Variants in PIWIL1 observed in about 807,000 individuals in gnomAD.
PIWIL1 encodes piwi like RNA-mediated gene silencing 1.
Under a neutral mutation model 114.4 loss-of-function variants are expected in PIWIL1, and 73 were observed. The ratio of observed to expected loss-of-function variants is 0.64; its 90% CI spans 0.53 to 0.78. The LOEUF is 0.78. PIWIL1 is among the 30% of genes least tolerant of loss of function. The pLI, the probability that PIWIL1 is intolerant of heterozygous loss-of-function variation, is 0.00. For synonymous variants in PIWIL1, 375 were observed against 369.0 expected, an observed-to-expected ratio of 1.02 and a Z score of -0.19; for missense variants, 723 against 1,063.1, an observed-to-expected ratio of 0.68 and a Z score of 4.45.
At chr12:130,376,752 C>T (rs2073869697), downstream of PIWIL1, among the ~76,000 whole-genome samples, 1 of 152,226 alleles carries the variant, frequency 6.6e-6, no homozygotes, top group South Asian at 2.1e-4. Context: ...TGTCTCTGCT[C>T]TTGCCTTTGC....
chr12:130,419,316 A>G, the PIWIL1 span, among the ~76,000 whole-genome samples: 1 of 152,126 alleles, frequency 6.6e-6, no homozygotes, highest in South Asian at 2.1e-4. The surrounding 1 kb of genome is among the most constrained non-coding windows in gnomAD (Gnocchi z 4.3). Flanking sequence ...GGTCTTTGTT[A>G]GGAGGAAGGG....
intron 1 of PIWIL1, among the ~76,000 whole-genome samples, chr12:130,340,023 A>G (rs2072859693): frequency 6.6e-6 from 1 of 152,148 alleles, no homozygotes; most frequent in Admixed American, 6.5e-5. Flanking sequence ...TTCGCAGCCT[A>G]GTTGGAGAAG....
the PIWIL1 span, chr12:130,398,207 G>C: frequency 6.6e-6 from 1 of 152,200 alleles, no homozygotes. Flanking sequence ...GCTTCAGAGG[G>C]GTAGACTTTT....
Position 130,345,823 on chromosome 12 carries a change from T to C in PIWIL1, c.261T>C (p.His87=), listed in dbSNP as rs2073054372. The change falls in exon 4 of 21, where the codon CAT becomes CAC. Residue 87 remains histidine (H), a synonymous_variant. Transcript: ENST00000245255. ...GAGGAGGTCGTCGTAGAGATTTTCA[T>C]GATCTTGGTGTGAATACAAGGCAGA... ...AERGGRRRDF[H]DLGVNTRQNL... 7 of 1,614,074 alleles carry C rather than the reference T, an allele frequency of 4.3e-6. No homozygotes were observed. The highest frequency in any genetic ancestry group is 5.9e-6 in the Non-Finnish European group (7 of 1,179,926).
chr12:130,409,685 G>A, the PIWIL1 span, among the ~76,000 whole-genome samples: 33 of 152,118 alleles, frequency 2.2e-4, no homozygotes, highest in African/African-American at 7.9e-4. Context: ...TCTGGATGAC[G>A]CCTCTGAGAT....
rs1002147539 is a variant in PIWIL1, at chr12:130,356,383, C to T, written c.1405-535C>T. On this transcript the variant is annotated intron_variant, in intron 12 of 20. Transcript: ENST00000245255. ...TTTAATATTCTGGTTGCATTGTTTA[C>T]GCTATCCCCTGCGTGAGGCCAGGCA... is the stretch of plus-strand genomic sequence containing the variant. 4.0e-5 allele frequency among the ~76,000 whole-genome samples: 6 copies of T among 151,182 alleles called. No individual in the cohort carries two copies. In the East Asian group the frequency reaches 5.9e-4, roughly 15 times the overall value.
At chr12:130,421,725 T>TGTGTGTG in the PIWIL1 span, among the ~76,000 whole-genome samples, 1 of 88,056 alleles carries the variant, frequency 1.1e-5, no homozygotes, top group South Asian at 2.6e-4. Flanking sequence ...GTGTGTGTGT[T>TGTGTGTG]TTCATAGAAG....
intron 7 of PIWIL1, 89 bp from the exon 8 acceptor site, chr12:130,349,150 C>A: frequency 1.2e-6 from 1 of 831,338 alleles, no homozygotes; most frequent in Non-Finnish European, 2.0e-6. Context: ...TAGTTTAGAC[C>A]CAGTTAATAA....
the PIWIL1 span, among the ~76,000 whole-genome samples, chr12:130,389,328 G>T: frequency 2.0e-5 from 3 of 152,010 alleles, no homozygotes; most frequent in South Asian, 6.2e-4. Flanking sequence ...GAAGGGTGTT[G>T]TCTTTTTATT....
chr12:130,396,974 G>A, the PIWIL1 span: 1 of 155,760 alleles, frequency 6.4e-6, no homozygotes, highest in Admixed American at 6.5e-5. Context: ...TGAAAGTTAT[G>A]CATTATGAGG....
chr12:130,343,097 A>C lies in PIWIL1; in HGVS notation c.186A>C (p.Ser62=). ...GAACAGCAGGAGGAACAGCCAAGTC[A>C]CAAGGTGAAGAGAAAGTAAAAGGAA... is the stretch of plus-strand genomic sequence containing the variant. ...QRGTAGGTAK[S]QGLQISAGFQ... The change falls in exon 3 of 21, where the codon TCA becomes TCC. Residue 62 remains serine, a synonymous_variant. Coordinates refer to ENST00000245255, the MANE Select transcript of PIWIL1 (RefSeq NM_004764.5). 1 of 1,610,646 alleles carries C rather than the reference A, an allele frequency of 6.2e-7. No individual in the cohort carries two copies. Among genetic ancestry groups the C allele is most frequent in the Non-Finnish European group, 8.5e-7 (1 of 1,177,442 alleles).
chr12:130,424,947 A>G, the PIWIL1 span: 2 of 765,776 alleles, frequency 2.6e-6, no homozygotes, highest in Non-Finnish European at 3.5e-6. The surrounding 1 kb of genome is among the most constrained non-coding windows in gnomAD (Gnocchi z 9.8). Context: ...AAATACAGAC[A>G]GAATTAGTCC....
At chr12:130,397,699 AGGT>A in the PIWIL1 span, 8 of 392,802 alleles carry the variant, frequency 2.0e-5, no homozygotes, top group African/African-American at 1.4e-4. Flanking sequence ...TGAGAAGCAA[AGGT>A]CCTCTCCCAC....
intron 13 of PIWIL1, 96 bp from the exon 14 acceptor site, chr12:130,357,385 T>C: frequency 1.1e-6 from 1 of 892,728 alleles, no homozygotes; most frequent in Admixed American, 2.2e-5. Context: ...TCATGTTTTA[T>C]ACGGAAACGT....
intron 6 of PIWIL1, among the ~76,000 whole-genome samples, chr12:130,347,429 G>T (rs1306776468): frequency 6.6e-6 from 1 of 152,164 alleles, no homozygotes; most frequent in Non-Finnish European, 1.5e-5. Flanking sequence ...CTGCATGCTT[G>T]ATAATTTGCT....
the PIWIL1 span, among the ~76,000 whole-genome samples, chr12:130,383,202 G>T: frequency 1.1e-4 from 17 of 152,274 alleles, no homozygotes; most frequent in East Asian, 2.9e-3. Context: ...TACAAATTGC[G>T]TTCCACCAGG....
chr12:130,407,997 A>G, the PIWIL1 span, among the ~76,000 whole-genome samples: 1 of 152,188 alleles, frequency 6.6e-6, no homozygotes, highest in African/African-American at 2.4e-5. Flanking sequence ...ACTTTGGGTC[A>G]GTGGTCTGGG....
downstream of PIWIL1, among the ~76,000 whole-genome samples, chr12:130,373,167 A>G (rs1006302079): frequency 6.6e-6 from 1 of 152,240 alleles, no homozygotes; most frequent in East Asian, 1.9e-4. Context: ...GACAAGAAAC[A>G]CAGAACAGTG....
the PIWIL1 span, among the ~76,000 whole-genome samples, chr12:130,401,530 T>C: frequency 4.0e-5 from 6 of 151,870 alleles, no homozygotes; most frequent in Non-Finnish European, 7.4e-5. Context: ...CTCACTGCCC[T>C]GCCCCGCCCC....
Sources: allele counts gnomAD v4.1 joint callset (sites outside exome capture counted in the v4.1 genomes callset), GRCh38; gene constraint gnomAD v4.1.1; non-coding constraint Gnocchi (gnomAD v3.1); transcripts MANE v1.5; gene names NCBI Gene and HGNC (gene_info 2026-07-23, HGNC 2026-07-21).